Variants in ATP2B2 observed in about 807,000 individuals in gnomAD.
ATP2B2 encodes plasma membrane calcium-transporting ATPase 2.
Under a neutral mutation model 120.0 loss-of-function variants are expected in ATP2B2, and 15 were observed. The ratio of observed to expected loss-of-function variants is 0.12; its 90% CI spans 0.08 to 0.19. The LOEUF is 0.19. ATP2B2 is among the 10% of genes least tolerant of loss of function. ATP2B2 has a pLI of 1.00. For synonymous variants in ATP2B2, 694 were observed against 700.3 expected, an observed-to-expected ratio of 0.99 and a Z score of 0.14; for missense variants, 1,045 against 1,719.8, an observed-to-expected ratio of 0.61 and a Z score of 6.94.
intron 22 of ATP2B2, among the ~76,000 whole-genome samples, chr3:10,333,036 T>A (rs2060023142): frequency 1.3e-5 from 2 of 152,202 alleles, no homozygotes; most frequent in African/African-American, 4.8e-5. Context: ...CGGTCAGGCT[T>A]ACCATGTGCG....
intron 3 of ATP2B2, among the ~76,000 whole-genome samples, chr3:10,530,016 G>A (rs2067177915): frequency 6.6e-6 from 1 of 152,152 alleles, no homozygotes; most frequent in Non-Finnish European, 1.5e-5. Context: ...CCTTGATCTT[G>A]GACTCCTAGT....
intron 5 of ATP2B2, among the ~76,000 whole-genome samples, chr3:10,399,496 T>C (rs1054661551): frequency 1.3e-5 from 2 of 152,244 alleles, no homozygotes; most frequent in Non-Finnish European, 2.9e-5. Context: ...TTCATCTGAC[T>C]TACCATTATC....
At chr3:10,697,385 G>T (rs2071756994) in intron 1 of ATP2B2, among the ~76,000 whole-genome samples, 1 of 152,116 alleles carries the variant, frequency 6.6e-6, no homozygotes, top group Non-Finnish European at 1.5e-5. Context: ...CTCACCCTCT[G>T]AGCCTCAGCA....
chr3:10,373,016 A>C (rs1049388410), intron 11 of ATP2B2, among the ~76,000 whole-genome samples: 5 of 152,242 alleles, frequency 3.3e-5, no homozygotes, highest in African/African-American at 1.2e-4. Flanking sequence ...AAGAATAATA[A>C]TTTTAATAGA....
intron 18 of ATP2B2, among the ~76,000 whole-genome samples, chr3:10,345,165 C>T (rs1303841791): frequency 2.6e-5 from 4 of 152,144 alleles, no homozygotes; most frequent in Admixed American, 1.3e-4. Context: ...GAACAAGTCA[C>T]GCCACCTCTC....
intron 12 of ATP2B2, among the ~76,000 whole-genome samples, chr3:10,361,025 G>C (rs990699799): frequency 6.6e-6 from 1 of 151,940 alleles, no homozygotes; most frequent in Admixed American, 6.6e-5. Flanking sequence ...TGTAACTTTC[G>C]GAGCTTGGCT....
chr3:10,373,875 G>A (rs1299683055), intron 11 of ATP2B2, among the ~76,000 whole-genome samples: 1 of 152,138 alleles, frequency 6.6e-6, no homozygotes, highest in Non-Finnish European at 1.5e-5. Flanking sequence ...ACGTCTGGCT[G>A]CTACTAGGAA....
In ATP2B2 at chr3:10,449,843, A is replaced by G; in HGVS notation, c.-300T>C. On this transcript the variant is annotated 5_prime_UTR_variant, in exon 2 of 23. An upstream start codon of the reference 5' UTR is lost. Coordinates refer to ENST00000360273, the MANE Select transcript of ATP2B2 (RefSeq NM_001001331.4). ...GCTGCTCCCTGGAACTGGCATCTAC[A>G]TGGTCAGGGGTGGTGGCTCCTGTGG... is the stretch of plus-strand genomic sequence containing the variant. 1 of 463,310 alleles carries G rather than the reference A, an allele frequency of 2.2e-6. No individual in the cohort carries two copies. Among genetic ancestry groups the G allele is most frequent in the Non-Finnish European group, 4.0e-6 (1 of 250,078 alleles). 28.7% of individuals were successfully genotyped at this position (463,310 alleles called of 1,614,324 possible).
At chr3:10,641,565 G>A (rs1445144736) in intron 1 of ATP2B2, among the ~76,000 whole-genome samples, 1 of 152,208 alleles carries the variant, frequency 6.6e-6, no homozygotes, top group Non-Finnish European at 1.5e-5. Context: ...TTTGGTCAAA[G>A]AGAAAACATC....
At chr3:10,505,804 G>GGT (rs1277918131), upstream of ATP2B2, 6 of 147,824 alleles carry the variant, frequency 4.1e-5, no homozygotes, top group East Asian at 1.0e-3. Flanking sequence ...GGGCGGGGGG[G>GGT]GTGTGTGGAC....
At chr3:10,644,123 C>T (rs149473921) in intron 1 of ATP2B2, among the ~76,000 whole-genome samples, 2 of 152,244 alleles carry the variant, frequency 1.3e-5, no homozygotes, top group African/African-American at 2.4e-5. Context: ...AGGGCTTGAA[C>T]AGACATTTCC....
intron 2 of ATP2B2, among the ~76,000 whole-genome samples, chr3:10,434,817 G>C (rs1367378929): frequency 6.6e-6 from 1 of 152,276 alleles, no homozygotes; most frequent in Admixed American, 6.5e-5. Flanking sequence ...CTGGCCAGAA[G>C]GAGGCAGATG....
At chr3:10,360,521 A>C (rs2060867321) in intron 12 of ATP2B2, among the ~76,000 whole-genome samples, 1 of 152,252 alleles carries the variant, frequency 6.6e-6, no homozygotes, top group Admixed American at 6.5e-5. Context: ...CCCCATCTGC[A>C]TAATTCACTC....
chr3:10,411,236 A>G (rs535682280), intron 2 of ATP2B2, among the ~76,000 whole-genome samples: 143 of 152,340 alleles, frequency 9.4e-4, no homozygotes, highest in African/African-American at 3.3e-3. Flanking sequence ...GGAGTGATGC[A>G]GCCATAAGCC....
At chr3:10,656,007 C>T (rs898219981) in intron 1 of ATP2B2, among the ~76,000 whole-genome samples, 5 of 152,102 alleles carry the variant, frequency 3.3e-5, no homozygotes, top group African/African-American at 4.8e-5. Flanking sequence ...GAAAACAATC[C>T]CTGGATTGAT....
At chr3:10,379,107 C>G (rs1201114649) in intron 9 of ATP2B2, 136 bp downstream of exon 9, 3 of 1,070,110 alleles carry the variant, frequency 2.8e-6, no homozygotes, top group Non-Finnish European at 4.2e-6. Flanking sequence ...AGCTACACCC[C>G]CAAGGTCGTC....
At chr3:10,503,584 G>A (rs1330803438) in intron 1 of ATP2B2, among the ~76,000 whole-genome samples, 2 of 152,272 alleles carry the variant, frequency 1.3e-5, no homozygotes, top group South Asian at 2.1e-4. Flanking sequence ...CCTCCTGGAA[G>A]CTGAGGGGGC....
rs1387460830 is a variant in ATP2B2 at position 10,347,625 on chromosome 3, C to T, written c.2405-1488G>A. Among the ~76,000 whole-genome samples the T allele has an allele frequency of 1.3e-5, 2 of 152,232 alleles. No homozygotes were observed. The highest frequency in any genetic ancestry group is 4.8e-5 in the African/African-American group (2 of 41,464). ...AGTTCCACCGTCCTGGACTCAGCCT[C>T]CCCAAGCTTGTCCCCTTGGGACATT... On this transcript the variant is annotated intron_variant, in intron 16 of 22. Coordinates refer to ENST00000360273, the MANE Select transcript of ATP2B2 (RefSeq NM_001001331.4). This position sits in a 1 kb window ranked among gnomAD's most constrained non-coding sequence, Gnocchi z 5.2.
At chr3:10,698,000 T>A (rs2071764482) in intron 1 of ATP2B2, among the ~76,000 whole-genome samples, 1 of 152,146 alleles carries the variant, frequency 6.6e-6, no homozygotes. Flanking sequence ...TTGGGGCAGA[T>A]GGTAGGGGCT....
Sources: allele counts gnomAD v4.1 joint callset (sites outside exome capture counted in the v4.1 genomes callset), GRCh38; gene constraint gnomAD v4.1.1; non-coding constraint Gnocchi (gnomAD v3.1); transcripts MANE v1.5; gene names NCBI Gene and HGNC (gene_info 2026-07-23, HGNC 2026-07-21).